OSTF1: variants seen among roughly 807,000 people sequenced by gnomAD.
The protein encoded by OSTF1 is osteoclast stimulating factor 1, also known as osteoclast-stimulating factor 1.
OSTF1 carries 27 observed loss-of-function variants against 37.2 expected under a neutral mutation model. That is an observed-to-expected ratio of 0.73 (90% CI 0.54 to 1.00). OSTF1 has a LOEUF of 1.00. Among genes scored for constraint, OSTF1 ranks in the 50% least tolerant of loss-of-function variants. OSTF1 has a pLI of 0.00. For synonymous variants in OSTF1, 82 were observed against 89.2 expected, an observed-to-expected ratio of 0.92 and a Z score of 0.46; for missense variants, 232 against 253.8, an observed-to-expected ratio of 0.91 and a Z score of 0.58.
At chr9:75,135,020 G>T (rs1176643070) in intron 7 of OSTF1, among the ~76,000 whole-genome samples, 1 of 152,040 alleles carries the variant, frequency 6.6e-6, no homozygotes, top group Admixed American at 6.5e-5. Flanking sequence ...ATTACTTCCT[G>T]AAGCTCTCCA....
intron 1 of OSTF1, among the ~76,000 whole-genome samples, chr9:75,114,957 G>T (rs868067589): frequency 1.3e-5 from 2 of 152,180 alleles, no homozygotes; most frequent in Non-Finnish European, 2.9e-5. Flanking sequence ...AGGCACTGTG[G>T]TAGGCACTCG....
intron 1 of OSTF1, among the ~76,000 whole-genome samples, chr9:75,091,414 T>C (rs1319348939): frequency 6.6e-6 from 1 of 152,162 alleles, no homozygotes; most frequent in Admixed American, 6.5e-5. Flanking sequence ...TAGTGCTCCA[T>C]TCACACTGGC....
At chr9:75,112,986 C>T (rs1825418844) in intron 1 of OSTF1, among the ~76,000 whole-genome samples, 4 of 152,026 alleles carry the variant, frequency 2.6e-5, no homozygotes, top group South Asian at 2.1e-4. Flanking sequence ...CTCCTCCTTC[C>T]GCTTGGTGTT....
intron 1 of OSTF1, among the ~76,000 whole-genome samples, chr9:75,116,453 G>C (rs1287180640): frequency 6.6e-6 from 1 of 152,164 alleles, no homozygotes; most frequent in African/African-American, 2.4e-5. Flanking sequence ...GCAAATCAGT[G>C]ATTATAGTCC....
At chr9:75,091,130 G>T in intron 1 of OSTF1, among the ~76,000 whole-genome samples, 1 of 140,632 alleles carries the variant, frequency 7.1e-6, no homozygotes, top group East Asian at 2.2e-4. Flanking sequence ...CTGTTGCCCA[G>T]GCTGGAGTGC....
rs536193140 is a variant in OSTF1 at position 75,088,916 on chromosome 9, A to G, written c.34+190A>G. On this transcript the variant is annotated intron_variant, in intron 1 of 9. Coordinates refer to ENST00000346234, the MANE Select transcript of OSTF1 (RefSeq NM_012383.5). Reference sequence around the variant, plus strand: ...GGAGGAGGGATCGATTTTGATAGCAAGAGGATTTCGAGGATTAATATATAT... The same window carrying G: ...GGAGGAGGGATCGATTTTGATAGCAGGAGGATTTCGAGGATTAATATATAT... 2.6e-4 allele frequency among the ~76,000 whole-genome samples: 40 copies of G among 152,156 alleles called. 1 individual carries two copies. The South Asian group carries it at 4.1e-3, about 16-fold the overall frequency.
At chr9:75,133,501 A>G (rs976309718) in intron 6 of OSTF1, 100 bp downstream of exon 6, 26 of 714,602 alleles carry the variant, frequency 3.6e-5, no homozygotes, top group Admixed American at 1.5e-4. Context: ...AGCATTGGCT[A>G]TTCTTTTTGA....
intron 2 of OSTF1, among the ~76,000 whole-genome samples, chr9:75,121,822 G>A (rs532789591): frequency 5.1e-4 from 77 of 152,258 alleles, no homozygotes; most frequent in African/African-American, 1.8e-3. Context: ...CTGGGACCAG[G>A]CAATATTGAA....
chr9:75,107,375 T>C (rs1299717664), intron 1 of OSTF1, among the ~76,000 whole-genome samples: 2 of 152,214 alleles, frequency 1.3e-5, no homozygotes, highest in East Asian at 3.8e-4. Context: ...AGAAGATTAA[T>C]GCTCCCTGCA....
Position 75,124,702 on chromosome 9 carries a change from G to A in OSTF1, c.82-2867G>A, listed in dbSNP as rs143314110. ...ACTCCCTATTCCCCCTGACTTTATT[G>A]CTTATTTTTATAAGAAAGACTCATT... is the stretch of plus-strand genomic sequence containing the variant. On this transcript the variant is annotated intron_variant, in intron 2 of 9. Coordinates refer to ENST00000346234, the MANE Select transcript of OSTF1 (RefSeq NM_012383.5). 4.4e-3 allele frequency among the ~76,000 whole-genome samples: 666 copies of A among 152,100 alleles called. 3 individuals are homozygous for A. Among genetic ancestry groups the A allele is most frequent in the Non-Finnish European group, 7.8e-3 (529 of 67,988 alleles).
intron 1 of OSTF1, among the ~76,000 whole-genome samples, chr9:75,108,533 C>T (rs556773099): frequency 3.6e-4 from 54 of 151,182 alleles, no homozygotes; most frequent in Non-Finnish European, 5.9e-4. Flanking sequence ...ATAATGAGTC[C>T]GAATTTTAAG....
intron 9 of OSTF1, among the ~76,000 whole-genome samples, chr9:75,142,686 C>G (rs1388159316): frequency 6.6e-6 from 1 of 152,080 alleles, no homozygotes; most frequent in East Asian, 1.9e-4. Context: ...AGTCTACCTT[C>G]CTGAATTTGA....
intron 2 of OSTF1, among the ~76,000 whole-genome samples, chr9:75,124,787 G>A (rs1455800563): frequency 6.8e-6 from 1 of 146,960 alleles, no homozygotes; most frequent in Non-Finnish European, 1.5e-5. Flanking sequence ...TTTTCATAAA[G>A]TGTTTTGTTT....
chr9:75,088,586 C>A lies in OSTF1; in HGVS notation c.-107C>A, dbSNP rs564230485. 2.4e-6 allele frequency: 3 copies of A among 1,235,018 alleles called. No homozygotes were observed. The highest frequency in any genetic ancestry group is 2.3e-6 in the Non-Finnish European group (2 of 860,324). The allele number at this position is 1,235,018 out of a possible 1,614,324, so 76.5% of individuals were successfully genotyped here. ...GTGGGCGCCGGTCCTAGGAGGCGCA[C>A]GGTTGTAAGCCAGACAAAAAGAACT... is the stretch of plus-strand genomic sequence containing the variant. On this transcript the variant is annotated 5_prime_UTR_variant, in exon 1 of 10. Transcript: ENST00000346234.
At chr9:75,106,719 G>T (rs2118452373) in intron 1 of OSTF1, among the ~76,000 whole-genome samples, 1 of 150,958 alleles carries the variant, frequency 6.6e-6, no homozygotes, top group South Asian at 2.1e-4. Flanking sequence ...ACTTTGGGAG[G>T]CCGGGGCGGG....
intron 1 of OSTF1, among the ~76,000 whole-genome samples, chr9:75,100,729 C>CA (rs36001530): frequency 0.13 from 12,260 of 97,186 alleles, 622 homozygotes; most frequent in African/African-American, 0.2. Context: ...AGACTCGTCT[C>CA]AAAAAAAAAA....
intron 1 of OSTF1, among the ~76,000 whole-genome samples, chr9:75,097,538 A>T (rs1245549531): frequency 1.3e-5 from 2 of 152,204 alleles, no homozygotes; most frequent in Admixed American, 1.3e-4. Context: ...TTTTCCAAAC[A>T]TCAAGTCTTC....
chr9:75,095,033 TAAAC>T (rs1385158962), intron 1 of OSTF1, among the ~76,000 whole-genome samples: 1 of 152,102 alleles, frequency 6.6e-6, no homozygotes, highest in Admixed American at 6.5e-5. Flanking sequence ...CTGTCTCAAA[TAAAC>T]AAACAAACAA....
chr9:75,126,881 G>A (rs779376265), intron 2 of OSTF1, among the ~76,000 whole-genome samples: 13 of 152,286 alleles, frequency 8.5e-5, no homozygotes, highest in South Asian at 2.1e-4. Context: ...ATGAGCCACC[G>A]CACCTGGCCT....
Sources: gnomAD v4.1 joint callset for allele counts (sites outside exome capture counted in the v4.1 genomes callset) on GRCh38, gnomAD v4.1.1 for gene constraint, MANE v1.5 for transcripts, NCBI Gene and HGNC (gene_info 2026-07-23, HGNC 2026-07-21) for gene names.